The following SMARCD3 variants were observed in gnomAD, a reference collection of about 807,000 sequenced individuals.
The protein encoded by SMARCD3 is SWI/SNF-related matrix-associated actin-dependent regulator of chromatin subfamily D member 3.
Under a neutral mutation model 58.0 loss-of-function variants are expected in SMARCD3, and 14 were observed. The ratio of observed to expected loss-of-function variants is 0.24; its 90% CI spans 0.16 to 0.38. SMARCD3 has a LOEUF of 0.38. Ranked by LOEUF, SMARCD3 falls within the 10% of genes least tolerant of loss-of-function variation. The pLI is 1.00. For synonymous variants in SMARCD3, 253 were observed against 253.8 expected (o/e 1.00, Z 0.03); for missense variants, 408 against 636.9 (o/e 0.64, Z 3.87).
intron 2 of SMARCD3, among the ~76,000 whole-genome samples, chr7:151,260,961 C>T (rs1803898743): frequency 6.6e-6 from 1 of 152,210 alleles, no homozygotes; most frequent in African/African-American, 2.4e-5. Context: ...CCACACAGCA[C>T]ACTAGTAACT....
intron 2 of SMARCD3, among the ~76,000 whole-genome samples, chr7:151,266,051 T>C (rs1442292088): frequency 6.6e-6 from 1 of 151,970 alleles, no homozygotes; most frequent in Non-Finnish European, 1.5e-5. Flanking sequence ...CTCACGGCAA[T>C]CTCCACCTCC....
upstream of SMARCD3, among the ~76,000 whole-genome samples, chr7:151,252,422 T>TGA (rs1363573600): frequency 2.5e-5 from 3 of 122,034 alleles, no homozygotes; most frequent in African/African-American, 8.8e-5. Flanking sequence ...CCTGAGTGAG[T>TGA]GTGTGTGTGT....
chr7:151,275,046 G>A, intron 2 of SMARCD3: 1 of 1,330,294 alleles, frequency 7.5e-7, no homozygotes. Flanking sequence ...CAGGAGCCGA[G>A]GGCTGGCCGA....
Position 151,241,945 on chromosome 7 carries a change from C to T in SMARCD3, c.709G>A (p.Gly237Ser), listed in dbSNP as rs1455195875. 1 of 1,612,802 alleles carries T rather than the reference C, an allele frequency of 6.2e-7. No homozygotes were observed. Among genetic ancestry groups the T allele is most frequent in the Admixed American group, 1.7e-5 (1 of 59,766 alleles). Residue 237 changes from glycine (G) to serine (S), a missense_variant, in exon 7 of 13, where the codon GGC becomes AGC. Coordinates refer to ENST00000262188, the MANE Select transcript of SMARCD3 (RefSeq NM_001003801.2). The surrounding 1 kb of genome is among the most constrained non-coding windows in gnomAD (Gnocchi z 5.3). ...HRTPTTQETDGFQVKRPGDLS... is the reference protein window; with the variant it reads ...HRTPTTQETDSFQVKRPGDLS... ...TCCCCAGGCCGTTTCACCTGGAAGC[C>T]GTCCGTCTCCTGGGTCGTGGGTGTC...
chr7:151,269,607 C>A (rs983184226), intron 2 of SMARCD3, among the ~76,000 whole-genome samples: 4 of 151,992 alleles, frequency 2.6e-5, no homozygotes, highest in Non-Finnish European at 5.9e-5. Flanking sequence ...TGGACTTCTG[C>A]GTGTCTGGGT....
At chr7:151,251,416 T>C (rs1803505123), upstream of SMARCD3, among the ~76,000 whole-genome samples, 1 of 152,118 alleles carries the variant, frequency 6.6e-6, no homozygotes, top group Non-Finnish European at 1.5e-5. Flanking sequence ...CCACATCCCG[T>C]GGTGGGCCCC....
In SMARCD3 at chr7:151,242,311, G is replaced by A; in HGVS notation, c.580-79C>T. ...GCAGAAGGAGGCCAAGTTGGCAGCC[G>A]ACAGGGCAGTGGGCTTAGATGAAAT... On this transcript the variant is annotated intron_variant, in intron 5 of 12. Coordinates refer to ENST00000262188, the MANE Select transcript of SMARCD3 (RefSeq NM_001003801.2). The surrounding 1 kb of genome is among the most constrained non-coding windows in gnomAD (Gnocchi z 4.7). The A allele has an allele frequency of 1.4e-6, 2 of 1,396,358 alleles. No individual in the cohort carries two copies. Among genetic ancestry groups the A allele is most frequent in the South Asian group, 1.2e-5 (1 of 86,412 alleles). 86.5% of individuals were successfully genotyped at this position (1,396,358 alleles called of 1,614,324 possible).
chr7:151,272,406 C>T (rs1676724966), intron 2 of SMARCD3, among the ~76,000 whole-genome samples: 1 of 152,144 alleles, frequency 6.6e-6, no homozygotes, highest in Admixed American at 6.5e-5. Flanking sequence ...CTACCTGAAA[C>T]CCTTTTCAGG....
chr7:151,263,310 G>A (rs145728999), intron 2 of SMARCD3, among the ~76,000 whole-genome samples: 1 of 152,060 alleles, frequency 6.6e-6, no homozygotes, highest in African/African-American at 2.4e-5. Flanking sequence ...AATCAAGGCC[G>A]AAGCTGTAAC....
rs1803808835 is a variant in SMARCD3 at position 151,259,052 on chromosome 7, A to G, written c.40-13381T>C. 2.6e-5 allele frequency among the ~76,000 whole-genome samples: 4 copies of G among 151,708 alleles called. No individual in the cohort carries two copies. In the South Asian group the frequency reaches 6.2e-4, roughly 24 times the overall value. ...TGATGCCTAACTTTTCTTTTTCTCC[A>G]TTAGAACGTAAGCTCCAGGCCGGGT... On this transcript the variant is annotated intron_variant, in intron 2 of 13. Transcript: ENST00000356800.
At position 151,248,262 on chromosome 7, in the gene SMARCD3, G is replaced by A. The variant is rs1430451509; in HGVS notation, c.78+223C>T. ...CACCCCCGCCCCTGACAAGAGCCATGCAAACGCCTCCCTTCCCCGCCTCGC... is the reference window on the plus strand; with the variant it reads ...CACCCCCGCCCCTGACAAGAGCCATACAAACGCCTCCCTTCCCCGCCTCGC... On this transcript the variant is annotated intron_variant, in intron 1 of 12. Coordinates refer to ENST00000262188, the MANE Select transcript of SMARCD3 (RefSeq NM_001003801.2). This position sits in a 1 kb window ranked among gnomAD's most constrained non-coding sequence, Gnocchi z 6.1. Among the ~76,000 whole-genome samples, 4 of 149,940 alleles carry A rather than the reference G, an allele frequency of 2.7e-5. No homozygotes were observed. The highest frequency in any genetic ancestry group is 1.3e-4 in the Admixed American group (2 of 15,046).
upstream of SMARCD3, chr7:151,248,746 G>GC: frequency 2.6e-6 from 3 of 1,140,118 alleles, no homozygotes; most frequent in African/African-American, 1.6e-5. This position sits in a 1 kb window ranked among gnomAD's most constrained non-coding sequence, Gnocchi z 6.1. Flanking sequence ...CCACGCCGCC[G>GC]CCGCCCGCCC....
chr7:151,247,930 G>C (rs911300077), intron 1 of SMARCD3, among the ~76,000 whole-genome samples: 1 of 152,186 alleles, frequency 6.6e-6, no homozygotes, highest in African/African-American at 2.4e-5. Context: ...TAAGTCCCTA[G>C]AGCGGTCCTC....
rs373259682 is a variant in SMARCD3, at chr7:151,239,577, G to A, written c.1296+47C>T. On this transcript the variant is annotated intron_variant, in intron 11 of 12. Coordinates refer to ENST00000262188, the MANE Select transcript of SMARCD3 (RefSeq NM_001003801.2). The surrounding 1 kb of genome is among the most constrained non-coding windows in gnomAD (Gnocchi z 7.0). ...GAGTACAACGTTTACTCTCTTTCCC[G>A]CTGTGCTTGTCTTCCACTCCAGTAC... 125 of 1,612,910 alleles carry A rather than the reference G, an allele frequency of 7.7e-5. No individual in the cohort carries two copies. Among genetic ancestry groups the A allele is most frequent in the African/African-American group, 1.9e-4 (14 of 74,810 alleles).
intron 1 of SMARCD3, chr7:151,275,359 CTG>C (rs1406308715): frequency 8.5e-6 from 5 of 591,304 alleles, no homozygotes; most frequent in Non-Finnish European, 1.5e-5. Context: ...AGCCAGGACA[CTG>C]TGCAGAAAAA....
Position 151,243,634 on chromosome 7 carries a change from G to A in SMARCD3, c.333+25C>T. 4 of 1,482,854 alleles carry A rather than the reference G, an allele frequency of 2.7e-6. No homozygotes were observed. The highest frequency in any genetic ancestry group is 3.8e-6 in the Non-Finnish European group (4 of 1,061,314). The allele number at this position is 1,482,854 out of a possible 1,614,324, so 91.9% of individuals were successfully genotyped here. A position where few individuals can be genotyped will look rare whatever the true frequency, so the allele number is the denominator to read the frequency against. On this transcript the variant is annotated intron_variant, in intron 3 of 12. Coordinates refer to ENST00000262188, the MANE Select transcript of SMARCD3 (RefSeq NM_001003801.2). This position sits in a 1 kb window ranked among gnomAD's most constrained non-coding sequence, Gnocchi z 4.4. ...AGCAGCAAAGGGTGGGGGGTGGGCT[G>A]GGGGCTGCTGTGAAAGGCACTCACC...
upstream of SMARCD3, among the ~76,000 whole-genome samples, chr7:151,253,262 C>A (rs1162142891): frequency 6.6e-6 from 1 of 152,110 alleles, no homozygotes; most frequent in East Asian, 1.9e-4. Flanking sequence ...AGCACCCCCT[C>A]CTCTATGGGG....
intron 2 of SMARCD3, among the ~76,000 whole-genome samples, chr7:151,270,845 TCA>T (rs1795153689): frequency 6.6e-6 from 1 of 152,108 alleles, no homozygotes; most frequent in African/African-American, 2.4e-5. Flanking sequence ...GGGCAGAAGA[TCA>T]CAGTGTGTGG....
At chr7:151,253,285 C>T (rs529838465), upstream of SMARCD3, among the ~76,000 whole-genome samples, 15 of 152,202 alleles carry the variant, frequency 9.9e-5, no homozygotes, top group African/African-American at 3.4e-4. Flanking sequence ...CTCAGGGACG[C>T]GGCCCTCCCA....
Sources: allele counts gnomAD v4.1 joint callset (sites outside exome capture counted in the v4.1 genomes callset), GRCh38; gene constraint gnomAD v4.1.1; non-coding constraint Gnocchi (gnomAD v3.1); transcripts MANE v1.5; gene names NCBI Gene and HGNC (gene_info 2026-07-23, HGNC 2026-07-21).